CSGALNACT1: variants seen among roughly 807,000 people sequenced by gnomAD.
CSGALNACT1 encodes the protein beta4GalNAcT-1.
In CSGALNACT1, 52 loss-of-function variants were observed where a neutral mutation model predicts 51.0. The observed-to-expected ratio is 1.02, with a 90% CI of 0.82 to 1.29. CSGALNACT1 has a LOEUF of 1.29. Among genes scored for constraint, CSGALNACT1 ranks in the 50% most tolerant of loss-of-function variants. CSGALNACT1 has a pLI of 0.00. For missense variants in CSGALNACT1, 935 were observed against 679.2 expected (o/e 1.38, Z -4.19); for synonymous variants, 341 against 254.4 (o/e 1.34, Z -3.24).
rs375142665 is a variant in CSGALNACT1, at chr8:19,588,770, G to C, written c.-297+2390C>G. 5.3e-5 allele frequency among the ~76,000 whole-genome samples: 8 copies of C among 152,304 alleles called. No individual in the cohort carries two copies. The East Asian group carries it at 1.3e-3, about 26-fold the overall frequency. ...TGCTCTGTGCATGACATGAGTTCAA[G>C]ACAGGATATGGGGGATGCGAGAGGG... On this transcript the variant is annotated intron_variant, in intron 3 of 9. Coordinates refer to ENST00000454498, the Ensembl canonical transcript of CSGALNACT1.
chr8:19,505,371 T>C (rs1177398040), exon 4 of CSGALNACT1: 3 of 1,614,084 alleles, frequency 1.9e-6, no homozygotes, highest in African/African-American at 2.7e-5. Flanking sequence ...CTGGTACACC[T>C]TCTGTAGAGT....
At chr8:19,538,886 G>C (rs1362309338) in intron 3 of CSGALNACT1, among the ~76,000 whole-genome samples, 3 of 152,084 alleles carry the variant, frequency 2.0e-5, no homozygotes, top group African/African-American at 7.2e-5. Flanking sequence ...CGCTGAGCTA[G>C]TGTGTGTCCA....
intron 5 of CSGALNACT1, among the ~76,000 whole-genome samples, chr8:19,451,556 C>A (rs1418112794): frequency 3.3e-5 from 5 of 152,186 alleles, no homozygotes; most frequent in Non-Finnish European, 7.3e-5. Context: ...CGTTCTAGAG[C>A]ACAAAGACGT....
chr8:19,407,558 G>C (rs1326674549), intron 9 of CSGALNACT1, among the ~76,000 whole-genome samples: 4 of 152,148 alleles, frequency 2.6e-5, no homozygotes, highest in Non-Finnish European at 5.9e-5. Flanking sequence ...AGGTGGGGTG[G>C]CATTTCCAAG....
chr8:19,505,497 G>A (rs2077149848), exon 4 of CSGALNACT1: 3 of 1,614,030 alleles, frequency 1.9e-6, no homozygotes, highest in Non-Finnish European at 2.5e-6. Flanking sequence ...GGTTTTCTCT[G>A]GGGGGCTCCT....
chr8:19,505,420 G>A, exon 4 of CSGALNACT1: 1 of 1,614,232 alleles, frequency 6.2e-7, no homozygotes. Flanking sequence ...TCTGTGGCCA[G>A]CTTGACGCCA....
In CSGALNACT1 at chr8:19,750,363, A is replaced by C. The variant is rs114391901; in HGVS notation, c.-297+7487T>G. The stretch of plus-strand genomic sequence containing the variant: ...ACGACATTCTAAAGGAACTGATCAC[A>C]CTCGGCCTTGGATTTTAGATACTTT... On this transcript the variant is annotated intron_variant, in intron 1 of 1. Coordinates refer to the CSGALNACT1 transcript ENST00000517494. Among the ~76,000 whole-genome samples the C allele has an allele frequency of 4.1e-3, 618 of 152,038 alleles. 1 individual carries two copies. The highest frequency in any genetic ancestry group is 0.014 in the African/African-American group (580 of 41,480).
At chr8:19,688,343 T>A (rs1428138211) in intron 1 of CSGALNACT1, among the ~76,000 whole-genome samples, 1 of 152,080 alleles carries the variant, frequency 6.6e-6, no homozygotes, top group African/African-American at 2.4e-5. Flanking sequence ...GGAGATTGAT[T>A]CTGTAAAAAA....
chr8:19,612,098 T>A (rs897221350), intron 1 of CSGALNACT1, among the ~76,000 whole-genome samples: 5 of 152,068 alleles, frequency 3.3e-5, no homozygotes, highest in Admixed American at 1.3e-4. Flanking sequence ...ATCCCATCAT[T>A]TTAGGAGGCT....
intron 3 of CSGALNACT1, among the ~76,000 whole-genome samples, chr8:19,509,517 G>T (rs2078037012): frequency 1.3e-5 from 2 of 151,052 alleles, no homozygotes; most frequent in Non-Finnish European, 2.9e-5. Context: ...AGCTAATGTG[G>T]AGGCTGAGGC....
At chr8:19,493,640 G>T (rs1163720270) in intron 4 of CSGALNACT1, among the ~76,000 whole-genome samples, 3 of 152,120 alleles carry the variant, frequency 2.0e-5, no homozygotes, top group African/African-American at 7.2e-5. Context: ...ATTTTCTCAA[G>T]GACCATTTAT....
intron 3 of CSGALNACT1, among the ~76,000 whole-genome samples, chr8:19,514,095 T>C (rs2079011858): frequency 6.6e-6 from 1 of 152,184 alleles, no homozygotes; most frequent in African/African-American, 2.4e-5. Context: ...AAGTGCTTTA[T>C]CTTCTGCTAC....
rs1470912867 is a variant in CSGALNACT1, at chr8:19,489,543, A to C, written c.634+15658T>G. 2.6e-5 allele frequency among the ~76,000 whole-genome samples: 4 copies of C among 152,146 alleles called. No individual in the cohort carries two copies. In the East Asian group the frequency reaches 7.7e-4, roughly 29 times the overall value. ...CATTTATTCATTCAACAAACATTTA[A>C]TCAACGTTTATGTACCAGGCAACGT... is the stretch of plus-strand genomic sequence containing the variant. On this transcript the variant is annotated intron_variant, in intron 4 of 9. Transcript: ENST00000454498.
At chr8:19,583,085 T>C (rs2045924610) in intron 3 of CSGALNACT1, among the ~76,000 whole-genome samples, 1 of 152,152 alleles carries the variant, frequency 6.6e-6, no homozygotes, top group African/African-American at 2.4e-5. Flanking sequence ...CACATGCAAT[T>C]TTTATTTGTC....
chr8:19,460,081 T>C (rs550803644), intron 4 of CSGALNACT1, among the ~76,000 whole-genome samples: 1 of 152,300 alleles, frequency 6.6e-6, no homozygotes, highest in Admixed American at 6.5e-5. Flanking sequence ...TTATGAATGT[T>C]TTCTCTACAG....
At chr8:19,635,199 T>C (rs769481409) in intron 1 of CSGALNACT1, among the ~76,000 whole-genome samples, 11 of 152,176 alleles carry the variant, frequency 7.2e-5, no homozygotes, top group Non-Finnish European at 1.6e-4. Flanking sequence ...AGAAGACAGC[T>C]ACCCGTCCTC....
At chr8:19,518,443 A>T (rs776475215) in intron 3 of CSGALNACT1, among the ~76,000 whole-genome samples, 33 of 152,118 alleles carry the variant, frequency 2.2e-4, no homozygotes, top group Non-Finnish European at 3.8e-4. Context: ...GCATAATAAT[A>T]TTAGGGTGGG....
At chr8:19,637,527 C>T (rs2056233226) in intron 1 of CSGALNACT1, among the ~76,000 whole-genome samples, 1 of 152,158 alleles carries the variant, frequency 6.6e-6, no homozygotes, top group African/African-American at 2.4e-5. Context: ...AATAAAAGCA[C>T]TTAAAACTTA....
chr8:19,447,967 G>A (rs2062427977), intron 5 of CSGALNACT1, among the ~76,000 whole-genome samples: 1 of 152,236 alleles, frequency 6.6e-6, no homozygotes, highest in South Asian at 2.1e-4. Flanking sequence ...CTGGTGGTGG[G>A]TACGGTAGCA....
Sources: allele counts gnomAD v4.1 joint callset (sites outside exome capture counted in the v4.1 genomes callset), GRCh38; gene constraint gnomAD v4.1.1; transcripts MANE v1.5; gene names NCBI Gene and HGNC (gene_info 2026-07-23, HGNC 2026-07-21).